The following CNPY2 variants were observed in gnomAD, a reference collection of about 807,000 sequenced individuals.
CNPY2 encodes the protein protein canopy homolog 2.
CNPY2 carries 19 observed loss-of-function variants against 25.5 expected under a neutral mutation model. The ratio of observed to expected loss-of-function variants is 0.74; its 90% CI spans 0.52 to 1.09. The LOEUF (loss-of-function observed/expected upper bound fraction) is 1.09. Ranked by LOEUF, CNPY2 falls within the 50% of genes least tolerant of loss-of-function variation. The pLI is 0.00. For synonymous variants in CNPY2, 82 were observed against 85.0 expected, an observed-to-expected ratio of 0.96 and a Z score of 0.19; for missense variants, 214 against 233.6, an observed-to-expected ratio of 0.92 and a Z score of 0.55.
chr12:56,310,845 G>T, intron 5 of CNPY2, 113 bp downstream of exon 5: 1 of 994,940 alleles, frequency 1.0e-6, no homozygotes. Flanking sequence ...GGAAATGGAA[G>T]ACAGCTCTTG....
rs557379097 is a variant in CNPY2, at chr12:56,310,334, C to G, written c.*218G>C. 9.3e-4 allele frequency: 563 copies of G among 605,616 alleles called. 2 individuals are homozygous for G. Among genetic ancestry groups the G allele is most frequent in the Admixed American group, 2.7e-3 (91 of 34,276 alleles). The allele number at this position is 605,616 out of a possible 1,614,324, so 37.5% of individuals were successfully genotyped here. On this transcript the variant is annotated 3_prime_UTR_variant, in exon 6 of 6. Transcript: ENST00000273308. ...CCTTTATCCTGTATCAATCCCAAAA[C>G]TCTTCTTTCTCCTCCATTATCTTTC...
chr12:56,311,470 T>C, intron 3 of CNPY2, 56 bp from the exon 4 acceptor site: 1 of 1,512,362 alleles, frequency 6.6e-7, no homozygotes, highest in Non-Finnish European at 9.2e-7. Context: ...ATTAGTAATT[T>C]ATATCCTTAC....
At chr12:56,315,327 C>T in intron 1 of CNPY2, 85 bp from the exon 2 acceptor site, 1 of 732,156 alleles carries the variant, frequency 1.4e-6, no homozygotes, top group South Asian at 1.8e-5. Flanking sequence ...CCAAGGCTTT[C>T]AAAGGCCTCA....
intron 5 of CNPY2, 33 bp downstream of exon 5, chr12:56,310,925 A>G (rs1873695375): frequency 6.3e-7 from 1 of 1,583,132 alleles, no homozygotes; most frequent in Non-Finnish European, 8.7e-7. Flanking sequence ...CCACAGAGCT[A>G]CTAGAACAGG....
intron 3 of CNPY2, among the ~76,000 whole-genome samples, chr12:56,314,230 G>T (rs1025753533): frequency 2.0e-5 from 3 of 152,064 alleles, no homozygotes; most frequent in African/African-American, 7.2e-5. Context: ...GAGTGCAGTG[G>T]CACAATCACG....
intron 3 of CNPY2, 61 bp from the exon 4 acceptor site, chr12:56,311,475 C>G: frequency 6.7e-7 from 1 of 1,488,582 alleles, no homozygotes; most frequent in Non-Finnish European, 9.4e-7. Context: ...TAATTTATAT[C>G]CTTACTTTTC....
chr12:56,312,856 CCACCGTGCCCGG>C (rs1255325108), intron 3 of CNPY2: 1 of 152,170 alleles, frequency 6.6e-6, no homozygotes, highest in African/African-American at 2.4e-5. Flanking sequence ...CAGGCATGAA[CCACCGTGCCCGG>C]CACCTCATTG....
intron 5 of CNPY2, 59 bp downstream of exon 5, chr12:56,310,899 T>C: frequency 6.8e-7 from 1 of 1,475,646 alleles, no homozygotes; most frequent in Non-Finnish European, 9.5e-7. Flanking sequence ...ATGGGTGAGT[T>C]AGGGAATGTC....
intron 5 of CNPY2, 76 bp downstream of exon 5, chr12:56,310,882 G>T: frequency 1.5e-6 from 2 of 1,316,604 alleles, no homozygotes; most frequent in Non-Finnish European, 2.2e-6. Context: ...TTCTGGGATG[G>T]GGGTGTATGG....
chr12:56,314,407 C>A, intron 3 of CNPY2: 1 of 1,039,692 alleles, frequency 9.6e-7, no homozygotes. Flanking sequence ...CTTAACACTG[C>A]CTTATATATT....
In CNPY2 at chr12:56,314,746, G is replaced by A; in HGVS notation, c.204+105C>T. 3 of 1,569,722 alleles carry A rather than the reference G, an allele frequency of 1.9e-6. No homozygotes were observed. In the South Asian group the frequency reaches 3.5e-5, roughly 18 times the overall value. ...TGAGACAGAGCCAAATCTTTTTTCT[G>A]AGTCTGTTTTCTTCATTTCTATTAA... is the stretch of plus-strand genomic sequence containing the variant. On this transcript the variant is annotated intron_variant, in intron 3 of 5. Coordinates refer to ENST00000273308, the MANE Select transcript of CNPY2 (RefSeq NM_014255.7).
chr12:56,312,080 G>A (rs547908974), intron 3 of CNPY2, among the ~76,000 whole-genome samples: 17 of 152,004 alleles, frequency 1.1e-4, no homozygotes, highest in South Asian at 6.2e-4. Context: ...GGGTTTCACC[G>A]TGCTAGCCAG....
intron 3 of CNPY2, among the ~76,000 whole-genome samples, chr12:56,314,068 C>CT (rs1351196575): frequency 2.0e-5 from 3 of 151,410 alleles, no homozygotes; most frequent in Admixed American, 1.3e-4. Flanking sequence ...CGCCTGGCTA[C>CT]TTTTTTGTAT....
intron 5 of CNPY2, 28 bp from the exon 6 acceptor site, chr12:56,310,623 T>C: frequency 6.2e-7 from 1 of 1,613,634 alleles, no homozygotes; most frequent in Non-Finnish European, 8.5e-7. Flanking sequence ...TTTAAAGGAA[T>C]ATGCCATTCT....
intron 4 of CNPY2, 38 bp downstream of exon 4, chr12:56,311,173 T>TA: frequency 6.2e-7 from 1 of 1,610,584 alleles, no homozygotes; most frequent in South Asian, 1.1e-5. Flanking sequence ...AACAACCCCT[T>TA]AATGTCCAAG....
At chr12:56,311,459 C>A (rs367831356) in intron 3 of CNPY2, 45 bp from the exon 4 acceptor site, 14 of 1,551,984 alleles carry the variant, frequency 9.0e-6, no homozygotes, top group Non-Finnish European at 1.2e-5. Context: ...TACCTCTGTA[C>A]ATTAGTAATT....
chr12:56,311,687 G>A, intron 3 of CNPY2: 1 of 412,196 alleles, frequency 2.4e-6, no homozygotes, highest in South Asian at 2.0e-5. Flanking sequence ...GAGTAGCTGG[G>A]ACTACAGGCA....
At position 56,309,920 on chromosome 12, in the gene CNPY2, A is replaced by G; in HGVS notation, c.*632T>C. On this transcript the variant is annotated 3_prime_UTR_variant, in exon 6 of 6. Coordinates refer to ENST00000273308, the MANE Select transcript of CNPY2 (RefSeq NM_014255.7). ...GGCTGGCAAGCAAGGCCTCTCATTA[A>G]ACAACCTTCCTTACCTCGTCTGTCC... The G allele has an allele frequency of 2.8e-6, 2 of 702,278 alleles. No homozygotes were observed. Among genetic ancestry groups the G allele is most frequent in the Middle Eastern group, 4.6e-4 (2 of 4,364 alleles). 43.5% of individuals were successfully genotyped at this position (702,278 alleles called of 1,614,324 possible).
intron 3 of CNPY2, among the ~76,000 whole-genome samples, chr12:56,313,624 TGA>T (rs958474135): frequency 2.0e-5 from 3 of 151,538 alleles, no homozygotes; most frequent in Non-Finnish European, 4.4e-5. Flanking sequence ...TTTTTTTTTT[TGA>T]GAGGAGTCTC....
Sources: allele counts gnomAD v4.1 joint callset (sites outside exome capture counted in the v4.1 genomes callset), GRCh38; gene constraint gnomAD v4.1.1; transcripts MANE v1.5; gene names NCBI Gene and HGNC (gene_info 2026-07-23, HGNC 2026-07-21).